Variants in DPP9 observed in about 807,000 individuals in gnomAD.
The protein encoded by DPP9 is dipeptidyl peptidase IV-related protein-2.
In DPP9, 50 loss-of-function variants were observed where a neutral mutation model predicts 110.7. The ratio of observed to expected loss-of-function variants is 0.45; its 90% CI spans 0.36 to 0.57. DPP9 has a LOEUF of 0.57. Among genes scored for constraint, DPP9 ranks in the 20% least tolerant of loss-of-function variants. The pLI is 0.00. For synonymous variants in DPP9, 561 were observed against 514.4 expected, an observed-to-expected ratio of 1.09 and a Z score of -1.23; for missense variants, 1,022 against 1,217.9, an observed-to-expected ratio of 0.84 and a Z score of 2.39.
At chr19:4,721,167 C>A (rs998381082) in intron 2 of DPP9, among the ~76,000 whole-genome samples, 2 of 152,208 alleles carry the variant, frequency 1.3e-5, no homozygotes, top group East Asian at 3.8e-4. Flanking sequence ...GTGGACAGAA[C>A]AGCCCCCCTC....
chr19:4,684,883 G>A lies in DPP9; in HGVS notation c.2032-74C>T, dbSNP rs748879370. 2.5e-5 allele frequency: 38 copies of A among 1,545,064 alleles called. No homozygotes were observed. The highest frequency in any genetic ancestry group is 3.1e-5 in the Non-Finnish European group (35 of 1,142,462). ...CGGGCCTGGCAGGGGAGATGCCGGT[G>A]GGCTGGGGACCGGGCCGGGCTGGGG... On this transcript the variant is annotated intron_variant, in intron 17 of 21. Coordinates refer to ENST00000262960, the MANE Select transcript of DPP9 (RefSeq NM_139159.5). The surrounding 1 kb of genome is among the most constrained non-coding windows in gnomAD (Gnocchi z 4.8).
chr19:4,696,629 CG>C (rs1365755402), intron 11 of DPP9, among the ~76,000 whole-genome samples: 2 of 151,424 alleles, frequency 1.3e-5, no homozygotes, highest in Non-Finnish European at 1.5e-5. Flanking sequence ...CATGGTGGCA[CG>C]TGCCTGTACT....
At chr19:4,677,556 TC>T (rs2089049453) in intron 21 of DPP9, among the ~76,000 whole-genome samples, 1 of 152,178 alleles carries the variant, frequency 6.6e-6, no homozygotes, top group Admixed American at 6.5e-5. Flanking sequence ...CCTTCTTTAA[TC>T]CATCCCTGGA....
Position 4,684,269 on chromosome 19 carries a change from A to C in DPP9, c.2178+394T>G. On this transcript the variant is annotated intron_variant, in intron 18 of 21. Transcript: ENST00000262960. The surrounding 1 kb of genome is among the most constrained non-coding windows in gnomAD (Gnocchi z 4.8). ...TTGCTGACCAGGCAACCTCGTGGGAACAGAGAGCAGCCCTCCCCGACACAG... is the reference window on the plus strand; with the variant it reads ...TTGCTGACCAGGCAACCTCGTGGGACCAGAGAGCAGCCCTCCCCGACACAG... 7.2e-6 allele frequency: 2 copies of C among 277,890 alleles called. No individual in the cohort carries two copies. Among genetic ancestry groups the C allele is most frequent in the African/African-American group, 2.2e-5 (1 of 45,400 alleles). The allele number at this position is 277,890 out of a possible 1,614,324, so 17.2% of individuals were successfully genotyped here. A position where few individuals can be genotyped will look rare whatever the true frequency, so the allele number is the denominator to read the frequency against.
chr19:4,709,306 C>T (rs756409960), intron 4 of DPP9, among the ~76,000 whole-genome samples: 21 of 151,900 alleles, frequency 1.4e-4, no homozygotes, highest in Admixed American at 3.3e-4. Flanking sequence ...TGAGGAAGCG[C>T]GCTTGTGAAG....
At chr19:4,723,318 G>C (rs2093404629) in intron 1 of DPP9, among the ~76,000 whole-genome samples, 1 of 152,174 alleles carries the variant, frequency 6.6e-6, no homozygotes, top group Non-Finnish European at 1.5e-5. Context: ...AGGGGAGAGG[G>C]TGTCAAGGTC....
chr19:4,722,740 G>A (rs549278003), intron 1 of DPP9, 189 bp from the exon 2 acceptor site: 3 of 581,006 alleles, frequency 5.2e-6, no homozygotes, highest in East Asian at 3.0e-5. Context: ...GCCATCCCAC[G>A]GGCCCCGATT....
rs2092490751 is a variant in DPP9 at position 4,704,782 on chromosome 19, C to CCT, written c.427-479_427-478insAG. On this transcript the variant is annotated intron_variant, in intron 5 of 21. Transcript: ENST00000262960. This position sits in a 1 kb window ranked among gnomAD's most constrained non-coding sequence, Gnocchi z 6.0. ...TTGGGAGGCCGAGGTGGGCAGATCA[C>CCT]GAGGTCAGAAATTCGAGACCAGCCT... Among the ~76,000 whole-genome samples, 2 of 152,154 alleles carry CCT rather than the reference C, an allele frequency of 1.3e-5. No individual in the cohort carries two copies. Among genetic ancestry groups the CCT allele is most frequent in the South Asian group, 4.1e-4 (2 of 4,834 alleles).
chr19:4,706,082 A>G, intron 4 of DPP9, 112 bp from the exon 5 acceptor site: 1 of 939,194 alleles, frequency 1.1e-6, no homozygotes, highest in East Asian at 2.7e-5. Context: ...ACATTCTGCC[A>G]GGCCGCCGGC....
rs1310153369 is a variant in DPP9 at position 4,676,618 on chromosome 19, C to T, written c.2625G>A (p.Glu875=). The change falls in exon 22 of 22, where the codon GAG becomes GAA. Residue 875 remains glutamate, a synonymous_variant. Coordinates refer to ENST00000262960, the MANE Select transcript of DPP9 (RefSeq NM_139159.5). This position sits in a 1 kb window ranked among gnomAD's most constrained non-coding sequence, Gnocchi z 4.0. Reference sequence around the variant, plus strand: ...ACGTGACTTCATAGTGCTCGCCCGACTCGGGGCAGCGAATACTGTGTCTCT... The same window carrying T: ...ACGTGACTTCATAGTGCTCGCCCGATTCGGGGCAGCGAATACTGTGTCTCT... ...PNERHSIRCP[E]SGEHYEVTLL... is the part of the protein sequence containing the mutation. The T allele has an allele frequency of 6.2e-7, 1 of 1,608,966 alleles. No homozygotes were observed. Among genetic ancestry groups the T allele is most frequent in the Non-Finnish European group, 8.5e-7 (1 of 1,177,760 alleles).
rs2090234536 is a variant in DPP9, at chr19:4,683,563, C to T, written c.2245G>A (p.Asp749Asn). Residue 749 changes from aspartate (D) to asparagine (N), a missense_variant, in exon 19 of 22, where the codon GAC (aspartate) becomes AAC (asparagine). Asp to Asn is a conservative substitution (Grantham distance 23, BLOSUM62 1). Transcript: ENST00000262960. ...QFVAEKYGFI[D>N]LSRVAIHGWS... ...CCATGGATGGCAACTCGGCTCAGGT[C>T]GATGAAGCCATACTTCTCGGCCACG... The T allele has an allele frequency of 2.5e-6, 4 of 1,613,440 alleles. No individual in the cohort carries two copies. The highest frequency in any genetic ancestry group is 1.1e-5 in the South Asian group (1 of 91,090).
At position 4,695,328 on chromosome 19, in the gene DPP9, T is replaced by C. The variant is rs1399320285; in HGVS notation, c.1353+50A>G. 19 of 1,507,736 alleles carry C rather than the reference T, an allele frequency of 1.3e-5. No individual in the cohort carries two copies. The highest frequency in any genetic ancestry group is 2.2e-5 in the Admixed American group (1 of 45,832). 93.4% of individuals were successfully genotyped at this position (1,507,736 alleles called of 1,614,324 possible). On this transcript the variant is annotated intron_variant, in intron 12 of 21. Transcript: ENST00000262960. This position sits in a 1 kb window ranked among gnomAD's most constrained non-coding sequence, Gnocchi z 4.7. ...TTCTAGGACGTGGGGGTGGGGACAG[T>C]GTGACTCCAGGGCCCAGGCGGGCAT...
intron 9 of DPP9, among the ~76,000 whole-genome samples, chr19:4,701,489 C>T (rs929335634): frequency 6.6e-6 from 1 of 152,182 alleles, no homozygotes; most frequent in African/African-American, 2.4e-5. Flanking sequence ...AACAAACAAA[C>T]AAACACCACT....
chr19:4,690,460 T>C (rs1230328759), intron 14 of DPP9, among the ~76,000 whole-genome samples: 1 of 152,200 alleles, frequency 6.6e-6, no homozygotes. Context: ...AGTGGTCTCC[T>C]GGGACAGCGG....
At position 4,682,091 on chromosome 19, in the gene DPP9, G is replaced by A. The variant is rs577645879; in HGVS notation, c.2474+605C>T. Reference sequence around the variant, plus strand: ...TCTCAATCTCCTGACCTCACGATCCGCCCGCCTCAGCCTCCCAGAGTGCTG... The same window carrying A: ...TCTCAATCTCCTGACCTCACGATCCACCCGCCTCAGCCTCCCAGAGTGCTG... On this transcript the variant is annotated intron_variant, in intron 20 of 21. Transcript: ENST00000262960. This position sits in a 1 kb window ranked among gnomAD's most constrained non-coding sequence, Gnocchi z 7.1. Among the ~76,000 whole-genome samples the A allele has an allele frequency of 7.2e-4, 110 of 151,734 alleles. No homozygotes were observed. The highest frequency in any genetic ancestry group is 1.3e-3 in the Non-Finnish European group (85 of 67,922).
Position 4,718,318 on chromosome 19 carries a change from A to C in DPP9, c.56+1533T>G, listed in dbSNP as rs1418916026. On this transcript the variant is annotated intron_variant, in intron 3 of 21. Transcript: ENST00000262960. The surrounding 1 kb of genome is among the most constrained non-coding windows in gnomAD (Gnocchi z 4.3). ...TGGGGGAAGTATTTGGACGCCTAGA[A>C]GGAACTGTAGATTCAGTGCTGACTG... Among the ~76,000 whole-genome samples the C allele has an allele frequency of 6.6e-6, 1 of 152,178 alleles. No homozygotes were observed. Among genetic ancestry groups the C allele is most frequent in the Non-Finnish European group, 1.5e-5 (1 of 68,030 alleles).
At chr19:4,680,004 A>G (rs553439171) in intron 20 of DPP9, 58 bp from the exon 21 acceptor site, 7 of 1,270,184 alleles carry the variant, frequency 5.5e-6, no homozygotes, top group African/African-American at 1.5e-5. Flanking sequence ...GTAGGAGGGG[A>G]GCAGATCACA....
rs189903557 is a variant in DPP9, at chr19:4,698,240, C to T, written c.1075-589G>A. ...CTTAAACAGGGCTGGCACGGCGTTTCCAGGGTATTGAGAGATAGGGGACCT... is the reference window on the plus strand; with the variant it reads ...CTTAAACAGGGCTGGCACGGCGTTTTCAGGGTATTGAGAGATAGGGGACCT... On this transcript the variant is annotated intron_variant, in intron 10 of 21. Transcript: ENST00000262960. The surrounding 1 kb of genome is among the most constrained non-coding windows in gnomAD (Gnocchi z 4.2). Among the ~76,000 whole-genome samples, 261 of 152,280 alleles carry T rather than the reference C, an allele frequency of 1.7e-3. 2 individuals carry two copies. The highest frequency in any genetic ancestry group is 3.4e-3 in the Middle Eastern group (1 of 294).
chr19:4,715,047 G>A (rs1195315709), intron 3 of DPP9, among the ~76,000 whole-genome samples: 1 of 14,086 alleles, frequency 7.1e-5, no homozygotes, highest in Non-Finnish European at 1.7e-4. Flanking sequence ...TTTTTTTTTG[G>A]AGACAGAGTC....
Sources: gnomAD v4.1 joint callset for allele counts (sites outside exome capture counted in the v4.1 genomes callset) on GRCh38, gnomAD v4.1.1 for gene constraint, Gnocchi (gnomAD v3.1) non-coding constraint, MANE v1.5 for transcripts, NCBI Gene and HGNC (gene_info 2026-07-23, HGNC 2026-07-21) for gene names.